The following SH3PXD2A variants were observed in gnomAD, a reference collection of about 807,000 sequenced individuals.
The protein encoded by SH3PXD2A is SH3 and PX domain-containing protein 2A.
In SH3PXD2A, 32 loss-of-function variants were observed where a neutral mutation model predicts 115.2. The ratio of observed to expected loss-of-function variants is 0.28; its 90% confidence interval spans 0.21 to 0.37. The LOEUF is 0.37. SH3PXD2A is among the 10% of genes least tolerant of loss of function. The pLI is 1.00. For missense variants in SH3PXD2A, 1,328 were observed against 1,498.7 expected (o/e 0.89, Z 1.88); for synonymous variants, 610 against 629.1 (o/e 0.97, Z 0.45).
intron 1 of SH3PXD2A, among the ~76,000 whole-genome samples, chr10:103,805,572 G>C (rs141273822): frequency 1.8e-3 from 275 of 152,364 alleles, no homozygotes; most frequent in Middle Eastern, 6.8e-3. Context: ...CCTCGGAAAA[G>C]TTCTTTGCCC....
intron 2 of SH3PXD2A, among the ~76,000 whole-genome samples, chr10:103,787,666 G>A (rs138571864): frequency 1.3e-3 from 197 of 152,342 alleles, no homozygotes; most frequent in African/African-American, 4.3e-3. Context: ...AGGTGCTGCC[G>A]GGACTGTCTC....
At chr10:103,751,530 ATC>A (rs1246216519) in intron 3 of SH3PXD2A, among the ~76,000 whole-genome samples, 2 of 152,232 alleles carry the variant, frequency 1.3e-5, no homozygotes, top group Non-Finnish European at 2.9e-5. Context: ...CACTATGGGG[ATC>A]TGAATCCAGG....
At chr10:103,633,141 G>A (rs1026416486) in intron 8 of SH3PXD2A, among the ~76,000 whole-genome samples, 7 of 152,236 alleles carry the variant, frequency 4.6e-5, no homozygotes, top group African/African-American at 1.7e-4. Context: ...GCCCCAGCTG[G>A]GTGCAGTGGC....
chr10:103,815,206 G>A (rs1439945978), intron 1 of SH3PXD2A, among the ~76,000 whole-genome samples: 1 of 151,892 alleles, frequency 6.6e-6, no homozygotes, highest in East Asian at 1.9e-4. Context: ...TAAACAAACT[G>A]GACTTCATCA....
chr10:103,609,375 G>A (rs1205715435), intron 13 of SH3PXD2A: 1 of 152,226 alleles, frequency 6.6e-6, no homozygotes, highest in Non-Finnish European at 1.5e-5. Context: ...AGTGAGCAAA[G>A]TCTTTGGCTG....
intron 8 of SH3PXD2A, among the ~76,000 whole-genome samples, chr10:103,629,000 T>C (rs529096420): frequency 3.3e-5 from 5 of 152,322 alleles, no homozygotes; most frequent in South Asian, 4.1e-4. Flanking sequence ...AGAGCCTTGA[T>C]TGGAGCCTAA....
intron 2 of SH3PXD2A, among the ~76,000 whole-genome samples, chr10:103,782,394 A>C (rs1319442594): frequency 6.6e-6 from 1 of 152,224 alleles, no homozygotes; most frequent in Non-Finnish European, 1.5e-5. Context: ...AGCAGATCCC[A>C]ATAGTAAATC....
intron 3 of SH3PXD2A, among the ~76,000 whole-genome samples, chr10:103,757,338 C>G (rs920487807): frequency 2.6e-5 from 4 of 152,162 alleles, no homozygotes; most frequent in African/African-American, 9.7e-5. Context: ...GAATCCAGGA[C>G]TCTGGAGACC....
chr10:103,677,471 C>T (rs553663119), intron 6 of SH3PXD2A, among the ~76,000 whole-genome samples: 3 of 152,216 alleles, frequency 2.0e-5, no homozygotes, highest in Non-Finnish European at 2.9e-5. Flanking sequence ...TCTGGCTGGA[C>T]GCTGCCATCC....
At chr10:103,811,588 C>G (rs1009199691) in intron 1 of SH3PXD2A, among the ~76,000 whole-genome samples, 3 of 152,204 alleles carry the variant, frequency 2.0e-5, no homozygotes, top group Admixed American at 6.5e-5. Context: ...ACTCTATATC[C>G]TGAACTCTTT....
In SH3PXD2A at chr10:103,836,122, G is replaced by A. The variant is rs2039537285; in HGVS notation, c.72+19073C>T. On this transcript the variant is annotated intron_variant, in intron 1 of 14. Transcript: ENST00000369774. Reference sequence around the variant, plus strand: ...TGAGAGCATGAAATGAGGTCTATGGGCACCTGCCTGGCACCAAAGAGGCAA... The same window carrying A: ...TGAGAGCATGAAATGAGGTCTATGGACACCTGCCTGGCACCAAAGAGGCAA... 3.3e-5 allele frequency among the ~76,000 whole-genome samples: 5 copies of A among 152,138 alleles called. No homozygotes were observed. The South Asian group carries it at 1.0e-3, about 32-fold the overall frequency.
At chr10:103,811,180 G>A (rs2134277642) in intron 1 of SH3PXD2A, among the ~76,000 whole-genome samples, 1 of 152,314 alleles carries the variant, frequency 6.6e-6, no homozygotes, top group Admixed American at 6.5e-5. Flanking sequence ...GGAAATGAGT[G>A]TATAAACTAG....
At chr10:103,676,595 C>T (rs759256680) in intron 6 of SH3PXD2A, among the ~76,000 whole-genome samples, 10 of 152,096 alleles carry the variant, frequency 6.6e-5, no homozygotes, top group African/African-American at 1.9e-4. Flanking sequence ...CTGAGAAGAC[C>T]GGAAGCTTCC....
intron 2 of SH3PXD2A, among the ~76,000 whole-genome samples, chr10:103,776,274 T>C (rs1291991292): frequency 6.6e-6 from 1 of 151,932 alleles, no homozygotes; most frequent in African/African-American, 2.4e-5. Context: ...GCACCTGTGG[T>C]CTCAGCTACT....
chr10:103,757,212 C>A (rs1163923999), intron 3 of SH3PXD2A, among the ~76,000 whole-genome samples: 1 of 152,124 alleles, frequency 6.6e-6, no homozygotes, highest in Non-Finnish European at 1.5e-5. Context: ...TGTCACCGAG[C>A]CCTGAAATCA....
chr10:103,611,285 C>A (rs1466523771), intron 13 of SH3PXD2A, among the ~76,000 whole-genome samples: 1 of 152,220 alleles, frequency 6.6e-6, no homozygotes, highest in African/African-American at 2.4e-5. Flanking sequence ...CCTGGCTGGA[C>A]ACTTTTGCCG....
At chr10:103,803,280 C>G (rs1278602521) in intron 1 of SH3PXD2A, among the ~76,000 whole-genome samples, 6 of 152,254 alleles carry the variant, frequency 3.9e-5, no homozygotes, top group African/African-American at 1.4e-4. Context: ...TAAAAGGCCA[C>G]CCCTATCTTC....
chr10:103,686,936 C>T (rs1183691535), intron 6 of SH3PXD2A, among the ~76,000 whole-genome samples: 2 of 151,898 alleles, frequency 1.3e-5, no homozygotes, highest in Non-Finnish European at 2.9e-5. Flanking sequence ...TTAGTAGAGA[C>T]GGGGTTTTGC....
chr10:103,656,481 G>A (rs1469628009), intron 8 of SH3PXD2A, among the ~76,000 whole-genome samples: 1 of 152,292 alleles, frequency 6.6e-6, no homozygotes, highest in East Asian at 1.9e-4. Context: ...TGTCATGGTC[G>A]GATGAGAGGA....
Sources: gnomAD v4.1 joint callset for allele counts (sites outside exome capture counted in the v4.1 genomes callset) on GRCh38, gnomAD v4.1.1 for gene constraint, MANE v1.5 for transcripts, NCBI Gene and HGNC (gene_info 2026-07-23, HGNC 2026-07-21) for gene names.